The following LPIN1 variants were observed in gnomAD, a reference collection of about 807,000 sequenced individuals.
LPIN1 encodes phosphatidate phosphatase LPIN1.
Under a neutral mutation model 107.5 loss-of-function variants are expected in LPIN1, and 71 were observed. That is an observed-to-expected ratio of 0.66 (90% CI 0.55 to 0.80). The LOEUF (loss-of-function observed/expected upper bound fraction) is 0.80. LPIN1 is among the 30% of genes least tolerant of loss of function. The pLI, the probability that LPIN1 is intolerant of heterozygous loss-of-function variation, is 0.00. For synonymous variants in LPIN1, 445 were observed against 452.6 expected (o/e 0.98, Z 0.21); for missense variants, 1,043 against 1,160.6 (o/e 0.90, Z 1.47).
chr2:11,712,538 C>T (rs558795492), intron 1 of LPIN1, among the ~76,000 whole-genome samples: 1 of 152,146 alleles, frequency 6.6e-6, no homozygotes, highest in Non-Finnish European at 1.5e-5. Context: ...CAGTACCTAG[C>T]GAAGTACATG....
chr2:11,779,626 AGCTGCCGCAG>A lies in LPIN1; in HGVS notation c.944_953del (p.Pro315LeufsTer9), dbSNP rs1273800088. ...CCAGAAATGCTTTGGCTGTGGGGAGAGCTGCCGCAGGCTGCTAAGGTGAGAGTCTCTTCAA... is the reference window on the plus strand; with the variant it reads ...CCAGAAATGCTTTGGCTGTGGGGAGAGCTGCTAAGGTGAGAGTCTCTTCAA... On this transcript the variant is annotated frameshift_variant, in exon 7 of 21. Coordinates refer to ENST00000674199, the MANE Select transcript of LPIN1 (RefSeq NM_001349206.2). LOFTEE classifies it high-confidence loss of function. 3 of 1,613,980 alleles carry A rather than the reference AGCTGCCGCAG, an allele frequency of 1.9e-6. No individual in the cohort carries two copies. The highest frequency in any genetic ancestry group is 1.3e-5 in the African/African-American group (1 of 74,924).
chr2:11,718,506 C>A (rs1019998082), intron 2 of LPIN1, among the ~76,000 whole-genome samples: 3 of 152,190 alleles, frequency 2.0e-5, no homozygotes, highest in African/African-American at 7.2e-5. Flanking sequence ...ACTGGGATTA[C>A]AGGTGTGTGG....
At chr2:11,737,733 A>T (rs901228030) in intron 1 of LPIN1, among the ~76,000 whole-genome samples, 10 of 152,238 alleles carry the variant, frequency 6.6e-5, no homozygotes, top group African/African-American at 2.4e-4. Flanking sequence ...AAGTCAGGAA[A>T]CAACAGATGC....
chr2:11,768,189 T>C (rs1312379642), intron 3 of LPIN1, among the ~76,000 whole-genome samples: 2 of 152,226 alleles, frequency 1.3e-5, no homozygotes, highest in Non-Finnish European at 2.9e-5. Flanking sequence ...CCCAATGTTC[T>C]TTTATTTAGT....
At chr2:11,792,037 C>G (rs1407193056) in intron 13 of LPIN1, 31 bp downstream of exon 13, 1 of 1,587,718 alleles carries the variant, frequency 6.3e-7, no homozygotes, top group African/African-American at 1.3e-5. Flanking sequence ...AGTGCTCACA[C>G]TTAGCAAGTG....
intron 17 of LPIN1, chr2:11,805,436 G>A (rs1006082665): frequency 3.6e-6 from 2 of 549,122 alleles, no homozygotes; most frequent in African/African-American, 3.8e-5. Context: ...GGGTGAGACT[G>A]AGGTTTAGTT....
intron 19 of LPIN1, 29 bp from the exon 20 acceptor site, chr2:11,820,382 A>G: frequency 7.1e-7 from 1 of 1,416,410 alleles, no homozygotes; most frequent in Non-Finnish European, 1.0e-6. Flanking sequence ...TTTCTAATGA[A>G]CACTTTAAAT....
chr2:11,718,251 G>A (rs1663883743), intron 2 of LPIN1, among the ~76,000 whole-genome samples: 1 of 152,122 alleles, frequency 6.6e-6, no homozygotes, highest in Non-Finnish European at 1.5e-5. Context: ...TATTTGAGAT[G>A]GAGTCTTGCT....
upstream of LPIN1, chr2:11,723,368 G>A (rs1298925817): frequency 1.3e-5 from 2 of 152,222 alleles, no homozygotes; most frequent in Admixed American, 1.3e-4. Flanking sequence ...GTAAAGACTG[G>A]GAAGGCGGGC....
chr2:11,721,013 C>A (rs956529271), upstream of LPIN1, among the ~76,000 whole-genome samples: 8 of 152,098 alleles, frequency 5.3e-5, no homozygotes, highest in African/African-American at 1.9e-4. Context: ...AAACTCCCAA[C>A]TGATTCCTTA....
At chr2:11,807,512 ATTTTT>A (rs557625077) in intron 17 of LPIN1, among the ~76,000 whole-genome samples, 1 of 140,666 alleles carries the variant, frequency 7.1e-6, no homozygotes, top group South Asian at 2.3e-4. Context: ...TTGCTTTTTA[ATTTTT>A]TTTTTTTTTT....
At position 11,771,489 on chromosome 2, in the gene LPIN1, C is replaced by T. The variant is rs1671830913; in HGVS notation, c.406C>T (p.Pro136Ser). The T allele has an allele frequency of 1.2e-6, 2 of 1,614,184 alleles. No homozygotes were observed. The highest frequency in any genetic ancestry group is 4.5e-5 in the East Asian group (2 of 44,878). The stretch of plus-strand genomic sequence containing the variant: ...GATGAGAGGCCTGGACCCCAGCACG[C>T]CAGCCCAAGTGATCGCTCCCAGCGA... The part of the protein sequence containing the change: ...DRMRGLDPST[P>S]AQVIAPSETP... The change falls in exon 4 of 21, where the codon CCA becomes TCA. Residue 136 changes from proline (P) to serine (S), a missense_variant. Transcript: ENST00000674199. The surrounding 1 kb of genome is among the most constrained non-coding windows in gnomAD (Gnocchi z 4.8).
intron 1 of LPIN1, among the ~76,000 whole-genome samples, chr2:11,684,835 A>G (rs1055052537): frequency 4.6e-5 from 7 of 151,916 alleles, no homozygotes; most frequent in South Asian, 2.1e-4. Context: ...GAAAATTGTA[A>G]AAGATTATTG....
At chr2:11,804,336 C>G (rs1194651605) in intron 15 of LPIN1, 87 bp from the exon 16 acceptor site, 1 of 1,451,618 alleles carries the variant, frequency 6.9e-7, no homozygotes, top group African/African-American at 1.4e-5. Context: ...AAAGCCGAAT[C>G]CTGCTTCTCA....
intron 20 of LPIN1, among the ~76,000 whole-genome samples, chr2:11,820,789 T>C (rs1056008262): frequency 1.3e-5 from 2 of 152,216 alleles, no homozygotes; most frequent in African/African-American, 4.8e-5. Flanking sequence ...ACTAGTAGTT[T>C]AGATTTGCCA....
At chr2:11,764,078 GTATATATATATA>G (rs770059867) in intron 1 of LPIN1, 3 of 63,248 alleles carry the variant, frequency 4.7e-5, no homozygotes, top group African/African-American at 6.7e-5. Context: ...GTGTGTGTGT[GTATATATATATA>G]TATATATATA....
chr2:11,793,953 G>T (rs1676228179), intron 13 of LPIN1, among the ~76,000 whole-genome samples: 1 of 152,184 alleles, frequency 6.6e-6, no homozygotes, highest in South Asian at 2.1e-4. Flanking sequence ...ATTACTCTGG[G>T]AAAGTAGTAT....
At chr2:11,681,003 G>A (rs1661683802) in intron 1 of LPIN1, among the ~76,000 whole-genome samples, 1 of 152,172 alleles carries the variant, frequency 6.6e-6, no homozygotes, top group South Asian at 2.1e-4. Context: ...TTGATAAATG[G>A]TAGCTATTAT....
In LPIN1 at chr2:11,774,646, C is replaced by G. The variant is rs1558874061; in HGVS notation, c.722+901C>G. On this transcript the variant is annotated intron_variant, in intron 5 of 20. Transcript: ENST00000674199. This position sits in a 1 kb window ranked among gnomAD's most constrained non-coding sequence, Gnocchi z 4.4. ...GGTTCATGGTGCCAGCCCTTAGAAACTCTGGGTTCCTACCTGAAGCCGGTC... is the reference window on the plus strand; with the variant it reads ...GGTTCATGGTGCCAGCCCTTAGAAAGTCTGGGTTCCTACCTGAAGCCGGTC... Among the ~76,000 whole-genome samples, 1 of 152,296 alleles carries G rather than the reference C, an allele frequency of 6.6e-6. No individual in the cohort carries two copies. The highest frequency in any genetic ancestry group is 2.1e-4 in the South Asian group (1 of 4,828).
Sources: gnomAD v4.1 joint callset for allele counts (sites outside exome capture counted in the v4.1 genomes callset) on GRCh38, gnomAD v4.1.1 for gene constraint, Gnocchi (gnomAD v3.1) non-coding constraint, MANE v1.5 for transcripts, NCBI Gene and HGNC (gene_info 2026-07-23, HGNC 2026-07-21) for gene names.